Variants in CNTNAP5 observed in about 807,000 individuals in gnomAD.
The protein encoded by CNTNAP5 is contactin associated protein family member 5, also known as contactin-associated protein-like 5.
A neutral mutation model predicts 150.2 loss-of-function variants in CNTNAP5; 72 were observed. The ratio of observed to expected loss-of-function variants is 0.48; its 90% CI spans 0.40 to 0.58. The LOEUF (loss-of-function observed/expected upper bound fraction) is 0.58. Ranked by LOEUF, CNTNAP5 falls within the 20% of genes least tolerant of loss-of-function variation. The pLI is 0.00. For missense variants in CNTNAP5, 1,636 were observed against 1,626.2 expected (o/e 1.01, Z -0.10); for synonymous variants, 672 against 619.8 (o/e 1.08, Z -1.25).
rs149794133 is a variant in CNTNAP5 at position 124,151,691 on chromosome 2, C to T, written c.83-70014C>T. On this transcript the variant is annotated intron_variant, in intron 1 of 23. Transcript: ENST00000682447. ...CCACGTCTGACAGATAACGCAGGAC[C>T]TAGCTCTATGGAGTTGTCTCGTGTA... Among the ~76,000 whole-genome samples the T allele has an allele frequency of 5.9e-3, 902 of 152,324 alleles. 2 individuals are homozygous for T. The highest frequency in any genetic ancestry group is 0.011 in the Non-Finnish European group (716 of 68,032).
intron 13 of CNTNAP5, among the ~76,000 whole-genome samples, chr2:124,651,700 G>A (rs920403482): frequency 8.5e-5 from 13 of 152,210 alleles, no homozygotes; most frequent in African/African-American, 2.7e-4. Flanking sequence ...ACATGATTTT[G>A]TATAAATTTC....
chr2:124,728,342 A>G (rs1035540819), intron 13 of CNTNAP5, among the ~76,000 whole-genome samples: 1 of 152,024 alleles, frequency 6.6e-6, no homozygotes, highest in Admixed American at 6.6e-5. Context: ...TACGGAAGTA[A>G]GAGTTTGAGA....
chr2:124,788,354 A>C (rs1681642402), intron 17 of CNTNAP5, among the ~76,000 whole-genome samples: 1 of 152,234 alleles, frequency 6.6e-6, no homozygotes, highest in Non-Finnish European at 1.5e-5. Flanking sequence ...GAAATCTTCA[A>C]GATATATCCT....
intron 3 of CNTNAP5, among the ~76,000 whole-genome samples, chr2:124,305,765 T>C (rs1688673582): frequency 6.6e-6 from 1 of 152,196 alleles, no homozygotes. Context: ...GCATGAAGGC[T>C]CTCACCATGT....
intron 12 of CNTNAP5, among the ~76,000 whole-genome samples, chr2:124,644,507 G>A (rs897497659): frequency 3.9e-5 from 6 of 152,100 alleles, no homozygotes; most frequent in Non-Finnish European, 8.8e-5. Flanking sequence ...ATGAGTAAAT[G>A]AATAAGGAAA....
At chr2:124,784,201 G>A (rs1681516211) in intron 17 of CNTNAP5, among the ~76,000 whole-genome samples, 1 of 152,166 alleles carries the variant, frequency 6.6e-6, no homozygotes, top group African/African-American at 2.4e-5. Flanking sequence ...AGGTGGCACT[G>A]TACTAATTTT....
intron 1 of CNTNAP5, among the ~76,000 whole-genome samples, chr2:124,074,220 T>C (rs1371053310): frequency 6.6e-6 from 1 of 152,024 alleles, no homozygotes; most frequent in African/African-American, 2.4e-5. Flanking sequence ...GGAAGGCATG[T>C]GCTGGTTAAT....
intron 1 of CNTNAP5, among the ~76,000 whole-genome samples, chr2:124,143,929 G>A (rs1178867814): frequency 0.014 from 1,960 of 144,680 alleles, 43 homozygotes; most frequent in African/African-American, 0.047. Context: ...AAGCTGATAA[G>A]CAACTTCAGC....
At chr2:124,163,863 G>A (rs1190398266) in intron 1 of CNTNAP5, among the ~76,000 whole-genome samples, 12 of 149,458 alleles carry the variant, frequency 8.0e-5, no homozygotes, top group Non-Finnish European at 7.4e-5. Flanking sequence ...ATGCCTCTAA[G>A]AAAAAAAAAA....
intron 1 of CNTNAP5, among the ~76,000 whole-genome samples, chr2:124,057,106 ATT>A (rs1225969992): frequency 6.6e-6 from 1 of 152,074 alleles, no homozygotes; most frequent in East Asian, 1.9e-4. Context: ...CGACATCACA[ATT>A]GGGAAGGACC....
At chr2:124,711,298 TA>T (rs894711042) in intron 13 of CNTNAP5, among the ~76,000 whole-genome samples, 11 of 151,618 alleles carry the variant, frequency 7.3e-5, no homozygotes, top group Non-Finnish European at 1.0e-4. Context: ...ATAATAAAAT[TA>T]AAAAAATATA....
chr2:124,410,927 T>C lies in CNTNAP5; in HGVS notation c.382-6516T>C, dbSNP rs371935482. Among the ~76,000 whole-genome samples, 133 of 151,664 alleles carry C rather than the reference T, an allele frequency of 8.8e-4. 1 individual carries two copies. Among genetic ancestry groups the C allele is most frequent in the African/African-American group, 2.9e-3 (120 of 41,312 alleles). ...AGACACAAAAAACTCTTCAAAAAAT[T>C]AATGAATCCAGGAGCTGGTTTTTTG... On this transcript the variant is annotated intron_variant, in intron 3 of 23. Transcript: ENST00000682447.
At chr2:124,465,055 AC>A (rs1693345107) in intron 6 of CNTNAP5, among the ~76,000 whole-genome samples, 1 of 152,176 alleles carries the variant, frequency 6.6e-6, no homozygotes, top group Non-Finnish European at 1.5e-5. Context: ...TTTAAACAGG[AC>A]CAGAGAAAAA....
chr2:124,247,961 T>A (rs1255947111), intron 3 of CNTNAP5, among the ~76,000 whole-genome samples: 2 of 152,208 alleles, frequency 1.3e-5, no homozygotes, highest in African/African-American at 4.8e-5. Flanking sequence ...GCACATATAC[T>A]AATAAGCTTT....
chr2:124,828,008 G>A (rs560002304), intron 19 of CNTNAP5, among the ~76,000 whole-genome samples: 1 of 152,222 alleles, frequency 6.6e-6, no homozygotes, highest in Admixed American at 6.5e-5. Context: ...CTTCCTTTGA[G>A]TTGCTCCCAC....
At chr2:124,206,232 TCA>T (rs1253575636) in intron 1 of CNTNAP5, among the ~76,000 whole-genome samples, 1 of 152,194 alleles carries the variant, frequency 6.6e-6, no homozygotes, top group Admixed American at 6.5e-5. Context: ...GCACTGAGGC[TCA>T]GTTTCTTTAT....
At chr2:124,192,469 T>C (rs71428140) in intron 1 of CNTNAP5, among the ~76,000 whole-genome samples, 3,001 of 152,204 alleles carry the variant, frequency 0.02, 47 homozygotes, top group Middle Eastern at 0.044. Flanking sequence ...CTGAGGACAG[T>C]ATCTTAACTC....
intron 19 of CNTNAP5, among the ~76,000 whole-genome samples, chr2:124,846,285 T>A (rs561579038): frequency 6.0e-4 from 91 of 152,138 alleles, no homozygotes; most frequent in African/African-American, 1.4e-3. Context: ...TTAAAAAAAA[T>A]TTTTTTGTCT....
chr2:124,236,606 C>CTAA (rs1455109631), intron 2 of CNTNAP5, among the ~76,000 whole-genome samples: 1 of 152,140 alleles, frequency 6.6e-6, no homozygotes, highest in Non-Finnish European at 1.5e-5. Flanking sequence ...TACCAGGTAG[C>CTAA]TGTGTCCCTA....
Sources: gnomAD v4.1 joint callset for allele counts (sites outside exome capture counted in the v4.1 genomes callset) on GRCh38, gnomAD v4.1.1 for gene constraint, MANE v1.5 for transcripts, NCBI Gene and HGNC (gene_info 2026-07-23, HGNC 2026-07-21) for gene names.